Variants in MLLT3 observed in about 807,000 individuals in gnomAD.
MLLT3 encodes MLLT3 super elongation complex subunit.
MLLT3 carries 4 observed loss-of-function variants against 53.2 expected under a neutral mutation model. The ratio of observed to expected loss-of-function variants is 0.08; its 90% confidence interval spans 0.04 to 0.17. MLLT3 has a LOEUF of 0.17. Among genes scored for constraint, MLLT3 ranks in the 10% least tolerant of loss-of-function variants. The pLI is 1.00. For synonymous variants in MLLT3, 283 were observed against 230.6 expected (o/e 1.23, Z -2.06); for missense variants, 569 against 684.0 (o/e 0.83, Z 1.87).
At chr9:20,349,695 A>G (rs1406198151) in intron 10 of MLLT3, among the ~76,000 whole-genome samples, 1 of 152,224 alleles carries the variant, frequency 6.6e-6, no homozygotes, top group African/African-American at 2.4e-5. Context: ...ACTTTTGCCC[A>G]CTAGAAACGT....
intron 2 of MLLT3, among the ~76,000 whole-genome samples, chr9:20,509,144 G>T (rs1825459002): frequency 6.6e-6 from 1 of 152,002 alleles, no homozygotes. Context: ...AAGATCTAAT[G>T]AACTCCAGTT....
intron 2 of MLLT3, among the ~76,000 whole-genome samples, chr9:20,509,551 T>C (rs1341632449): frequency 1.3e-5 from 2 of 152,330 alleles, no homozygotes; most frequent in African/African-American, 2.4e-5. Flanking sequence ...TCCTAAGCAT[T>C]AATATCTACA....
chr9:20,399,013 AG>A (rs1822390969), intron 5 of MLLT3, among the ~76,000 whole-genome samples: 1 of 152,180 alleles, frequency 6.6e-6, no homozygotes, highest in South Asian at 2.1e-4. Flanking sequence ...CTGCCCGGGC[AG>A]GTAAGAGTGA....
chr9:20,458,544 T>C (rs1824027883), intron 2 of MLLT3, among the ~76,000 whole-genome samples: 2 of 152,114 alleles, frequency 1.3e-5, no homozygotes, highest in Non-Finnish European at 2.9e-5. Context: ...GTAGGAACTT[T>C]TGAAGGTGAT....
intron 2 of MLLT3, among the ~76,000 whole-genome samples, chr9:20,550,882 C>G (rs953016295): frequency 3.3e-5 from 5 of 152,142 alleles, no homozygotes; most frequent in African/African-American, 1.2e-4. Flanking sequence ...CTCAGCTTCC[C>G]AAGTAGCTAG....
chr9:20,481,013 G>A (rs1415339045), intron 2 of MLLT3, among the ~76,000 whole-genome samples: 1 of 152,166 alleles, frequency 6.6e-6, no homozygotes, highest in African/African-American at 2.4e-5. Flanking sequence ...AAAGAGTCAG[G>A]ATCAGTTTCA....
chr9:20,509,434 T>C (rs978750638), intron 2 of MLLT3, among the ~76,000 whole-genome samples: 8 of 152,234 alleles, frequency 5.3e-5, no homozygotes, highest in African/African-American at 9.6e-5. Flanking sequence ...TCTCACTCTT[T>C]AGTTGTGCTT....
At chr9:20,516,917 G>A (rs572017268) in intron 2 of MLLT3, among the ~76,000 whole-genome samples, 1 of 152,238 alleles carries the variant, frequency 6.6e-6, no homozygotes, top group Admixed American at 6.5e-5. Flanking sequence ...TCAATTTTCA[G>A]TAATATGCTA....
chr9:20,582,494 T>C (rs376635672), intron 2 of MLLT3, among the ~76,000 whole-genome samples: 2 of 152,196 alleles, frequency 1.3e-5, no homozygotes, highest in Non-Finnish European at 2.9e-5. Flanking sequence ...TCATATAATA[T>C]GTAGGCTTTT....
chr9:20,462,838 T>A (rs150519730), intron 2 of MLLT3, among the ~76,000 whole-genome samples: 23 of 152,136 alleles, frequency 1.5e-4, no homozygotes, highest in African/African-American at 5.1e-4. Flanking sequence ...TAGCATGAGT[T>A]TTAAAAGAAG....
intron 2 of MLLT3, among the ~76,000 whole-genome samples, chr9:20,457,259 T>C (rs1488693001): frequency 1.6e-4 from 22 of 141,898 alleles, no homozygotes; most frequent in African/African-American, 6.0e-4. Context: ...TTTTTTTTTT[T>C]TTTTTTGAGA....
At chr9:20,468,678 C>T (rs1824295233) in intron 2 of MLLT3, among the ~76,000 whole-genome samples, 1 of 152,196 alleles carries the variant, frequency 6.6e-6, no homozygotes, top group African/African-American at 2.4e-5. Flanking sequence ...GTCCTTTAAC[C>T]ACTTACTCTA....
intron 2 of MLLT3, among the ~76,000 whole-genome samples, chr9:20,545,924 A>C (rs2119019540): frequency 6.6e-6 from 1 of 151,962 alleles, no homozygotes; most frequent in South Asian, 2.1e-4. Flanking sequence ...AGACTGAGGC[A>C]GAAGGATCAC....
At chr9:20,388,189 C>T (rs531567489) in intron 5 of MLLT3, among the ~76,000 whole-genome samples, 4 of 152,174 alleles carry the variant, frequency 2.6e-5, no homozygotes, top group African/African-American at 4.8e-5. Flanking sequence ...CTTTTGAACA[C>T]TTATTCTAAT....
At chr9:20,585,719 C>T (rs551308645) in intron 2 of MLLT3, among the ~76,000 whole-genome samples, 55 of 152,302 alleles carry the variant, frequency 3.6e-4, no homozygotes, top group African/African-American at 1.2e-3. Context: ...GGCAAGGTGT[C>T]GCAAAATACT....
intron 2 of MLLT3, among the ~76,000 whole-genome samples, chr9:20,523,013 G>T (rs1359490913): frequency 6.6e-6 from 1 of 151,800 alleles, no homozygotes; most frequent in Non-Finnish European, 1.5e-5. Context: ...AATATATAAT[G>T]AATTCTTAAA....
chr9:20,500,630 AT>A (rs1372655848), intron 2 of MLLT3, among the ~76,000 whole-genome samples: 1 of 152,212 alleles, frequency 6.6e-6, no homozygotes, highest in Non-Finnish European at 1.5e-5. Flanking sequence ...CTCAGTTCAA[AT>A]TAAATTCTAA....
intron 2 of MLLT3, among the ~76,000 whole-genome samples, chr9:20,513,178 T>C (rs1291044546): frequency 1.3e-5 from 2 of 152,170 alleles, no homozygotes; most frequent in Non-Finnish European, 2.9e-5. Context: ...AATGCCTAAG[T>C]GTCTGACCTG....
Position 20,621,805 on chromosome 9 carries a change from C to A in MLLT3, c.12+440G>T, listed in dbSNP as rs975136120. 2.8e-6 allele frequency: 4 copies of A among 1,444,550 alleles called. No individual in the cohort carries two copies. The highest frequency in any genetic ancestry group is 3.6e-6 in the Non-Finnish European group (4 of 1,109,882). 89.5% of individuals were successfully genotyped at this position (1,444,550 alleles called of 1,614,324 possible). On this transcript the variant is annotated intron_variant, in intron 1 of 10. Coordinates refer to ENST00000380338, the MANE Select transcript of MLLT3 (RefSeq NM_004529.4). The surrounding 1 kb of genome is among the most constrained non-coding windows in gnomAD (Gnocchi z 7.0). ...GCGGCCGCGGCGCTTTGCGGAGGTG[C>A]GGCCGCCGAGGCTGCTCGCCGCGTC...
Sources: gnomAD v4.1 joint callset for allele counts (sites outside exome capture counted in the v4.1 genomes callset) on GRCh38, gnomAD v4.1.1 for gene constraint, Gnocchi (gnomAD v3.1) non-coding constraint, MANE v1.5 for transcripts, NCBI Gene and HGNC (gene_info 2026-07-23, HGNC 2026-07-21) for gene names.